Variants in MED27 observed in about 807,000 individuals in gnomAD.
The protein encoded by MED27 is mediator of RNA polymerase II transcription subunit 27.
A neutral mutation model predicts 38.2 loss-of-function variants in MED27; 30 were observed. The observed-to-expected ratio is 0.79, with a 90% CI of 0.59 to 1.07. The LOEUF (loss-of-function observed/expected upper bound fraction) is 1.07. Among genes scored for constraint, MED27 ranks in the 50% least tolerant of loss-of-function variants. The pLI, the probability that MED27 is intolerant of heterozygous loss-of-function variation, is 0.00. For synonymous variants in MED27, 122 were observed against 153.5 expected, an observed-to-expected ratio of 0.79 and a Z score of 1.52; for missense variants, 289 against 397.5, an observed-to-expected ratio of 0.73 and a Z score of 2.32.
At chr9:132,054,205 T>C (rs1320860887) in intron 2 of MED27, among the ~76,000 whole-genome samples, 1 of 152,104 alleles carries the variant, frequency 6.6e-6, no homozygotes, top group Non-Finnish European at 1.5e-5. Flanking sequence ...GGATCCCTCA[T>C]GGCTTGGTGC....
chr9:131,978,686 C>CA lies in MED27; in HGVS notation c.479+35650dup, dbSNP rs138937530. On this transcript the variant is annotated intron_variant, in intron 3 of 7. Transcript: ENST00000292035. ...TAAAAAGTTAAAACAACAACAACAA[C>CA]AAAAAAAACTCTTAAGAAAAATGAC... is the stretch of plus-strand genomic sequence containing the variant. Among the ~76,000 whole-genome samples, 1,309 of 151,942 alleles carry CA rather than the reference C, an allele frequency of 8.6e-3. 16 individuals carry two copies. Among genetic ancestry groups the CA allele is most frequent in the African/African-American group, 0.03 (1,249 of 41,454 alleles).
intron 6 of MED27, chr9:131,869,228 T>G (rs1299301504): frequency 1.0e-6 from 1 of 985,346 alleles, no homozygotes; most frequent in Non-Finnish European, 1.2e-6. Context: ...CTGCTGGTTT[T>G]GGAATTCCTC....
rs1362554783 is a variant in MED27, at chr9:131,908,161, G to A, written c.574-14169C>T. On this transcript the variant is annotated intron_variant, in intron 4 of 7. Coordinates refer to ENST00000292035, the MANE Select transcript of MED27 (RefSeq NM_004269.4). ...AGCCCCCCGCTCGGCCAGCCGCCCC[G>A]TCCAGGAGGTGAGGGGCGCCTCTGC... Among the ~76,000 whole-genome samples the A allele has an allele frequency of 2.1e-5, 3 of 143,274 alleles. No individual in the cohort carries two copies. The East Asian group carries it at 6.5e-4, about 31-fold the overall frequency. The allele number at this position is 143,274 out of a possible 152,430, so 94.0% of individuals were successfully genotyped here. A position where few individuals can be genotyped will look rare whatever the true frequency, so the allele number is the denominator to read the frequency against.
intron 2 of MED27, among the ~76,000 whole-genome samples, chr9:132,038,885 C>T (rs1249529531): frequency 2.0e-5 from 3 of 152,076 alleles, no homozygotes; most frequent in South Asian, 2.1e-4. Context: ...GGCAGGGCTT[C>T]GAACGGAGTG....
chr9:131,951,582 C>A (rs1402195306), intron 3 of MED27, among the ~76,000 whole-genome samples: 1 of 152,228 alleles, frequency 6.6e-6, no homozygotes, highest in African/African-American at 2.4e-5. Context: ...GTTACTTTAA[C>A]CTCTCTAAGC....
chr9:131,881,917 G>A (rs2131481409), intron 6 of MED27, among the ~76,000 whole-genome samples: 1 of 146,306 alleles, frequency 6.8e-6, no homozygotes, highest in African/African-American at 2.5e-5. Context: ...CACCACGCCT[G>A]GCTGATTTGT....
chr9:132,070,045 G>A (rs1833901753), intron 2 of MED27, among the ~76,000 whole-genome samples: 1 of 152,234 alleles, frequency 6.6e-6, no homozygotes, highest in Non-Finnish European at 1.5e-5. Context: ...GCCCCGGAAG[G>A]TGGAAGCTAC....
chr9:132,009,306 A>G (rs1343761602), intron 3 of MED27, among the ~76,000 whole-genome samples: 3 of 152,214 alleles, frequency 2.0e-5, no homozygotes, highest in Admixed American at 6.5e-5. Flanking sequence ...ATATGTCCAC[A>G]AATTCTTTGA....
intron 2 of MED27, among the ~76,000 whole-genome samples, chr9:132,016,428 G>T (rs143826240): frequency 4.6e-5 from 7 of 152,166 alleles, no homozygotes. Context: ...GGGTAGAAAG[G>T]GGGGAGCATA....
intron 2 of MED27, among the ~76,000 whole-genome samples, chr9:132,024,592 G>A (rs977127089): frequency 1.3e-5 from 2 of 152,318 alleles, no homozygotes; most frequent in Admixed American, 1.3e-4. Flanking sequence ...TAGGAAAAAT[G>A]TACCCACTAG....
intron 3 of MED27, among the ~76,000 whole-genome samples, chr9:131,986,449 T>C (rs1202058026): frequency 6.6e-6 from 1 of 152,200 alleles, no homozygotes; most frequent in Non-Finnish European, 1.5e-5. Context: ...TCCCAAGTAC[T>C]GGGATTACAG....
At position 131,860,757 on chromosome 9, in the gene MED27, G is replaced by C; in HGVS notation, c.802-85C>G. On this transcript the variant is annotated intron_variant, in intron 7 of 7. Transcript: ENST00000292035. This position sits in a 1 kb window ranked among gnomAD's most constrained non-coding sequence, Gnocchi z 5.8. ...CCTTCCTATCAAGCCTAATGGCCCAGACAACTTAAGTTGGCTTTGGCCCCA... is the reference window on the plus strand; with the variant it reads ...CCTTCCTATCAAGCCTAATGGCCCACACAACTTAAGTTGGCTTTGGCCCCA... The C allele has an allele frequency of 6.7e-7, 1 of 1,502,016 alleles. No homozygotes were observed. The highest frequency in any genetic ancestry group is 9.0e-7 in the Non-Finnish European group (1 of 1,105,290). The allele number at this position is 1,502,016 out of a possible 1,614,324, so 93.0% of individuals were successfully genotyped here.
intron 5 of MED27, among the ~76,000 whole-genome samples, chr9:131,885,345 G>C (rs1839120327): frequency 6.6e-6 from 1 of 152,218 alleles, no homozygotes; most frequent in South Asian, 2.1e-4. Context: ...TCCTGGCTGA[G>C]CATCAGAAGC....
At chr9:131,880,736 ATTTTAAATAAATACAAAGAGT>A (rs990889357) in intron 6 of MED27, among the ~76,000 whole-genome samples, 24 of 152,332 alleles carry the variant, frequency 1.6e-4, no homozygotes, top group African/African-American at 5.5e-4. Flanking sequence ...TGTGTTTGTA[ATTTTAAATAAATACAAAGAGT>A]GCCTGGCAGG....
At chr9:131,998,056 A>G (rs1174682905) in intron 3 of MED27, among the ~76,000 whole-genome samples, 1 of 152,158 alleles carries the variant, frequency 6.6e-6, no homozygotes, top group Non-Finnish European at 1.5e-5. Flanking sequence ...CCAGGGCCAC[A>G]GAGCACCAAA....
chr9:132,073,882 G>A (rs1336594006), intron 2 of MED27: 30 of 1,152,050 alleles, frequency 2.6e-5, no homozygotes, highest in South Asian at 4.3e-5. Context: ...AAAGGCGGAC[G>A]TCTTAGTCTG....
At chr9:131,882,565 C>T (rs1233072682) in intron 6 of MED27, among the ~76,000 whole-genome samples, 4 of 152,204 alleles carry the variant, frequency 2.6e-5, no homozygotes, top group Non-Finnish European at 5.9e-5. Flanking sequence ...AATCACATCC[C>T]CCTCTGTGTA....
At chr9:131,983,780 G>A (rs148664407) in intron 3 of MED27, among the ~76,000 whole-genome samples, 1 of 152,252 alleles carries the variant, frequency 6.6e-6, no homozygotes, top group East Asian at 1.9e-4. Flanking sequence ...GCTAATAAAT[G>A]TTCTAAATGG....
chr9:132,079,045 A>C (rs1035920971), intron 1 of MED27, among the ~76,000 whole-genome samples: 12 of 152,224 alleles, frequency 7.9e-5, no homozygotes, highest in Non-Finnish European at 1.5e-4. Flanking sequence ...ATTAGAGAGT[A>C]GGTCTCTACT....
Sources: gnomAD v4.1 joint callset for allele counts (sites outside exome capture counted in the v4.1 genomes callset) on GRCh38, gnomAD v4.1.1 for gene constraint, Gnocchi (gnomAD v3.1) non-coding constraint, MANE v1.5 for transcripts, NCBI Gene and HGNC (gene_info 2026-07-23, HGNC 2026-07-21) for gene names.